NTN1: variants seen among roughly 807,000 people sequenced by gnomAD.
The protein encoded by NTN1 is netrin-1.
In NTN1, 11 loss-of-function variants were observed where a neutral mutation model predicts 54.2. The ratio of observed to expected loss-of-function variants is 0.20; its 90% confidence interval spans 0.13 to 0.34. NTN1 has a LOEUF of 0.34. NTN1 is among the 10% of genes least tolerant of loss of function. The pLI, the probability that NTN1 is intolerant of heterozygous loss-of-function variation, is 1.00. For synonymous variants in NTN1, 371 were observed against 382.0 expected (o/e 0.97, Z 0.33); for missense variants, 740 against 893.1 (o/e 0.83, Z 2.18).
chr17:9,162,438 C>T (rs1239325213), intron 2 of NTN1, among the ~76,000 whole-genome samples: 2 of 152,060 alleles, frequency 1.3e-5, no homozygotes, highest in Non-Finnish European at 2.9e-5. Context: ...CCTCCGTGCA[C>T]ATGCGTCCCT....
chr17:9,131,842 T>G (rs12150039), intron 2 of NTN1, among the ~76,000 whole-genome samples: 18,535 of 152,082 alleles, frequency 0.12, 1,438 homozygotes, highest in South Asian at 0.19. Flanking sequence ...CTTGCTCTGT[T>G]GCCCAGGCTG....
intron 2 of NTN1, among the ~76,000 whole-genome samples, chr17:9,159,704 G>A (rs187305650): frequency 4.6e-5 from 7 of 152,282 alleles, no homozygotes; most frequent in Admixed American, 2.6e-4. Flanking sequence ...GGGAGGCTGA[G>A]GCAGGAGAAT....
chr17:9,135,383 CGTT>C lies in NTN1; in HGVS notation c.1019-27426_1019-27424del, dbSNP rs1009585323. ...CATCCTGCCAACCAGACCACACTAACGTTGTTCTCATGCACGGCTTCCTCTGGC... is the reference window on the plus strand; with the variant it reads ...CATCCTGCCAACCAGACCACACTAACGTTCTCATGCACGGCTTCCTCTGGC... On this transcript the variant is annotated intron_variant, in intron 2 of 6. Coordinates refer to ENST00000173229, the MANE Select transcript of NTN1 (RefSeq NM_004822.3). This position sits in a 1 kb window ranked among gnomAD's most constrained non-coding sequence, Gnocchi z 4.4. Among the ~76,000 whole-genome samples the C allele has an allele frequency of 2.0e-5, 3 of 152,300 alleles. No individual in the cohort carries two copies. The highest frequency in any genetic ancestry group is 2.9e-5 in the Non-Finnish European group (2 of 68,026).
chr17:9,187,566 C>T (rs2092437039), intron 5 of NTN1, among the ~76,000 whole-genome samples: 1 of 150,824 alleles, frequency 6.6e-6, no homozygotes, highest in Admixed American at 6.6e-5. Context: ...AATCCAACCA[C>T]CTCGGGAGGC....
chr17:9,204,806 G>A (rs1904925180), intron 5 of NTN1, among the ~76,000 whole-genome samples: 1 of 152,200 alleles, frequency 6.6e-6, no homozygotes, highest in Non-Finnish European at 1.5e-5. Flanking sequence ...ATACCTTACT[G>A]AGTTCTGGGC....
chr17:9,011,823 C>T, the NTN1 span, among the ~76,000 whole-genome samples: 2 of 152,078 alleles, frequency 1.3e-5, no homozygotes, highest in African/African-American at 4.8e-5. Flanking sequence ...CTCTTGACCT[C>T]GTGATCCACC....
chr17:9,076,913 C>A (rs2092052225), intron 2 of NTN1, among the ~76,000 whole-genome samples: 1 of 152,234 alleles, frequency 6.6e-6, no homozygotes, highest in African/African-American at 2.4e-5. Flanking sequence ...TCCACACTGT[C>A]AGAGGTGTCT....
intron 5 of NTN1, among the ~76,000 whole-genome samples, chr17:9,206,843 T>C (rs1904980677): frequency 6.6e-6 from 1 of 152,236 alleles, no homozygotes; most frequent in South Asian, 2.1e-4. Context: ...ATTTATCGGC[T>C]CCTGCTCTCC....
chr17:9,162,846 G>T lies in NTN1; in HGVS notation c.1052G>T (p.Arg351Leu). 6.2e-7 allele frequency: 1 copy of T among 1,613,592 alleles called. No homozygotes were observed. Among genetic ancestry groups the T allele is most frequent in the Non-Finnish European group, 8.5e-7 (1 of 1,179,626 alleles). ...TGCAACCTGCATGCCCGGCGCTGCC[G>T]CTTCAACATGGAGCTCTACAAGCTT... is the stretch of plus-strand genomic sequence containing the variant. ...CNCNLHARRC[R>L]FNMELYKLSG... The change falls in exon 3 of 7, where the codon CGC becomes CTC. Residue 351 changes from arginine (R) to leucine (L), a missense_variant. By Grantham distance (102) the Arg-to-Leu change is moderately radical (BLOSUM62 -2). Transcript: ENST00000173229.
chr17:9,051,336 T>G (rs2091959880), intron 2 of NTN1, among the ~76,000 whole-genome samples: 2 of 152,186 alleles, frequency 1.3e-5, no homozygotes. Flanking sequence ...AGAACCTGCC[T>G]TAGAGCTCCC....
At chr17:9,151,032 A>G (rs948947959) in intron 2 of NTN1, among the ~76,000 whole-genome samples, 3 of 152,082 alleles carry the variant, frequency 2.0e-5, no homozygotes, top group Non-Finnish European at 4.4e-5. Flanking sequence ...CTTTGCAGGG[A>G]CCACGTCCAT....
intron 3 of NTN1, among the ~76,000 whole-genome samples, chr17:9,166,936 G>C (rs1255175550): frequency 6.6e-6 from 1 of 152,180 alleles, no homozygotes; most frequent in Non-Finnish European, 1.5e-5. Flanking sequence ...CCTGGAGTAA[G>C]GGCATCAGAT....
At chr17:9,076,850 A>G (rs566868447) in intron 2 of NTN1, among the ~76,000 whole-genome samples, 101 of 152,270 alleles carry the variant, frequency 6.6e-4, no homozygotes, top group African/African-American at 2.1e-3. Flanking sequence ...TATCAACCAC[A>G]TGCCTCCACC....
At chr17:9,238,495 C>A (rs1906069429) in intron 6 of NTN1, among the ~76,000 whole-genome samples, 1 of 152,076 alleles carries the variant, frequency 6.6e-6, no homozygotes, top group South Asian at 2.1e-4. Flanking sequence ...TCCAGGTACC[C>A]CCTGGTCTGG....
chr17:9,186,901 T>A (rs1040906516), intron 5 of NTN1, among the ~76,000 whole-genome samples: 1 of 152,050 alleles, frequency 6.6e-6, no homozygotes, highest in African/African-American at 2.4e-5. Flanking sequence ...TGATGGGACT[T>A]GAATGCGGCA....
chr17:9,072,263 T>TTTC (rs1414414644), intron 2 of NTN1, among the ~76,000 whole-genome samples: 1 of 151,476 alleles, frequency 6.6e-6, no homozygotes, highest in Non-Finnish European at 1.5e-5. Context: ...TTTTTTTTTT[T>TTTC]TTCAAGCGGG....
intron 6 of NTN1, among the ~76,000 whole-genome samples, chr17:9,234,412 G>C (rs1226371018): frequency 6.6e-6 from 1 of 152,210 alleles, no homozygotes; most frequent in African/African-American, 2.4e-5. Context: ...ACAAAGCTCA[G>C]CCAGGTGCCT....
intron 2 of NTN1, among the ~76,000 whole-genome samples, chr17:9,038,248 CCT>C: frequency 7.3e-6 from 1 of 137,216 alleles, no homozygotes; most frequent in African/African-American, 2.6e-5. Flanking sequence ...TCTGTCTTCT[CCT>C]CTCTTTCTCT....
intron 6 of NTN1, among the ~76,000 whole-genome samples, chr17:9,238,770 A>C (rs1340466151): frequency 6.6e-6 from 1 of 152,196 alleles, no homozygotes; most frequent in East Asian, 1.9e-4. Context: ...CTCCCTTACT[A>C]TCTTGCAGAA....
Sources: allele counts gnomAD v4.1 joint callset (sites outside exome capture counted in the v4.1 genomes callset), GRCh38; gene constraint gnomAD v4.1.1; non-coding constraint Gnocchi (gnomAD v3.1); transcripts MANE v1.5; gene names NCBI Gene and HGNC (gene_info 2026-07-23, HGNC 2026-07-21).